USP32: variants seen among roughly 807,000 people sequenced by gnomAD.
USP32 encodes ubiquitin carboxyl-terminal hydrolase 32.
USP32 carries 59 observed loss-of-function variants against 204.8 expected under a neutral mutation model. That is an observed-to-expected ratio of 0.29 (90% CI 0.23 to 0.36). The LOEUF (loss-of-function observed/expected upper bound fraction) is 0.36. Among genes scored for constraint, USP32 ranks in the 10% least tolerant of loss-of-function variants. The probability of loss-of-function intolerance (pLI) is 1.00; values close to 1 mark genes in which losing one functional copy is unlikely to be tolerated. For missense variants in USP32, 1,160 were observed against 1,946.4 expected, an observed-to-expected ratio of 0.60 and a Z score of 7.60; for synonymous variants, 517 against 678.4, an observed-to-expected ratio of 0.76 and a Z score of 3.70.
chr17:60,261,772 A>G (rs1426263742), intron 9 of USP32, among the ~76,000 whole-genome samples: 2 of 152,260 alleles, frequency 1.3e-5, no homozygotes, highest in African/African-American at 4.8e-5. Context: ...CAAAATATAA[A>G]ATGCTCAAGA....
intron 1 of USP32, among the ~76,000 whole-genome samples, chr17:60,358,517 T>G (rs2089137773): frequency 6.6e-6 from 1 of 152,012 alleles, no homozygotes; most frequent in Non-Finnish European, 1.5e-5. Flanking sequence ...GAGGCTGCAG[T>G]GAGCCGAGAT....
At chr17:60,238,479 G>C (rs1380923771) in intron 11 of USP32, among the ~76,000 whole-genome samples, 16 of 151,932 alleles carry the variant, frequency 1.1e-4, no homozygotes, top group Non-Finnish European at 2.2e-4. Flanking sequence ...ACCAGCCTGG[G>C]CAACATGGCA....
intron 26 of USP32, among the ~76,000 whole-genome samples, chr17:60,199,974 T>C (rs1275898477): frequency 2.0e-5 from 3 of 152,062 alleles, no homozygotes; most frequent in Admixed American, 6.6e-5. Flanking sequence ...GGCGGGCGGA[T>C]CATGAGGTCA....
In USP32 at chr17:60,348,262, T is replaced by C. The variant is rs2088837764; in HGVS notation, c.59-2654A>G. 2.0e-5 allele frequency among the ~76,000 whole-genome samples: 3 copies of C among 152,002 alleles called. No individual in the cohort carries two copies. In the South Asian group the frequency reaches 6.2e-4, roughly 31 times the overall value. On this transcript the variant is annotated intron_variant, in intron 1 of 33. Coordinates refer to ENST00000300896, the MANE Select transcript of USP32 (RefSeq NM_032582.4). Reference sequence around the variant, plus strand: ...GAGAGGTTGATAGGAGTCATCAGTATAGAGGTAGTAATTAAAACCATGAGG... The same window carrying C: ...GAGAGGTTGATAGGAGTCATCAGTACAGAGGTAGTAATTAAAACCATGAGG...
At chr17:60,305,323 G>A (rs970832226) in intron 2 of USP32, 2 of 152,142 alleles carry the variant, frequency 1.3e-5, no homozygotes, top group African/African-American at 2.4e-5. Context: ...GAGGAAGCAT[G>A]AGAGAGAGGA....
intron 12 of USP32, among the ~76,000 whole-genome samples, chr17:60,226,789 C>G (rs1340961865): frequency 6.6e-6 from 1 of 151,926 alleles, no homozygotes; most frequent in African/African-American, 2.4e-5. Context: ...TCTACAATAA[C>G]TGAACACACC....
intron 7 of USP32, among the ~76,000 whole-genome samples, chr17:60,268,289 C>G (rs1010594244): frequency 1.3e-5 from 2 of 151,728 alleles, no homozygotes; most frequent in African/African-American, 4.8e-5. Context: ...AAATGCAGAG[C>G]TGGGCATGGA....
chr17:60,417,271 C>T (rs1162429175), intron 1 of USP32, among the ~76,000 whole-genome samples: 1 of 151,778 alleles, frequency 6.6e-6, no homozygotes, highest in East Asian at 1.9e-4. Flanking sequence ...CAGTCTTGAT[C>T]CATATTTGTG....
At chr17:60,270,238 C>A (rs1379505915) in intron 6 of USP32, among the ~76,000 whole-genome samples, 1 of 152,122 alleles carries the variant, frequency 6.6e-6, no homozygotes, top group Non-Finnish European at 1.5e-5. Flanking sequence ...GGTAAAAACA[C>A]AATGCACTGT....
intron 1 of USP32, among the ~76,000 whole-genome samples, chr17:60,350,666 G>A (rs2088926440): frequency 6.6e-6 from 1 of 151,978 alleles, no homozygotes. Context: ...CTTCAGAAAA[G>A]GACAAAGGGA....
chr17:60,207,991 A>G, intron 24 of USP32, 68 bp downstream of exon 24: 1 of 1,493,942 alleles, frequency 6.7e-7, no homozygotes, highest in Middle Eastern at 1.8e-4. Context: ...ACAATTGATC[A>G]TAATAATTGA....
At chr17:60,355,771 G>A (rs2089055462) in intron 1 of USP32, among the ~76,000 whole-genome samples, 1 of 148,968 alleles carries the variant, frequency 6.7e-6, no homozygotes, top group African/African-American at 2.5e-5. Flanking sequence ...GGGAGGTCAA[G>A]GCTGCAGTCA....
intron 2 of USP32, among the ~76,000 whole-genome samples, chr17:60,323,775 A>G (rs910117873): frequency 6.6e-6 from 1 of 152,238 alleles, no homozygotes; most frequent in Non-Finnish European, 1.5e-5. Flanking sequence ...ATAACAAGAA[A>G]GAAGGAAGAC....
chr17:60,331,043 G>T (rs2145966520), intron 2 of USP32, among the ~76,000 whole-genome samples: 1 of 152,198 alleles, frequency 6.6e-6, no homozygotes, highest in South Asian at 2.1e-4. Flanking sequence ...TTTTGTCTCA[G>T]AACTTAAGTG....
At chr17:60,237,892 T>G (rs1489857423) in intron 11 of USP32, among the ~76,000 whole-genome samples, 1 of 152,234 alleles carries the variant, frequency 6.6e-6, no homozygotes, top group Admixed American at 6.5e-5. Context: ...ACTATGAAAG[T>G]TGTGTTCAAG....
intron 28 of USP32, among the ~76,000 whole-genome samples, chr17:60,192,042 C>G (rs2084396524): frequency 6.6e-6 from 1 of 152,004 alleles, no homozygotes; most frequent in Non-Finnish European, 1.5e-5. Context: ...CACCTATAAT[C>G]CCAGCACTTT....
rs189661460 is a variant in USP32 at position 60,226,620 on chromosome 17, T to C, written c.1240-389A>G. The stretch of plus-strand genomic sequence containing the variant: ...GATTACATGGTCAATGTAGAAAATA[T>C]AGAAAACATGAAGAAAATATCACAT... On this transcript the variant is annotated intron_variant, in intron 12 of 33. Coordinates refer to ENST00000300896, the MANE Select transcript of USP32 (RefSeq NM_032582.4). Among the ~76,000 whole-genome samples the C allele has an allele frequency of 7.2e-5, 11 of 152,294 alleles. No homozygotes were observed. The East Asian group carries it at 1.7e-3, about 24-fold the overall frequency.
intron 8 of USP32, 49 bp from the exon 9 acceptor site, chr17:60,265,523 T>C: frequency 2.4e-6 from 3 of 1,242,300 alleles, no homozygotes; most frequent in Non-Finnish European, 3.5e-6. Context: ...AATATACTTT[T>C]AATTTTGTTA....
intron 2 of USP32, among the ~76,000 whole-genome samples, chr17:60,322,222 G>A (rs1378273637): frequency 6.6e-6 from 1 of 151,932 alleles, no homozygotes; most frequent in Non-Finnish European, 1.5e-5. Context: ...TGTTGCCCAG[G>A]CTTGCCTCGA....
Sources: allele counts gnomAD v4.1 joint callset (sites outside exome capture counted in the v4.1 genomes callset), GRCh38; gene constraint gnomAD v4.1.1; transcripts MANE v1.5; gene names NCBI Gene and HGNC (gene_info 2026-07-23, HGNC 2026-07-21).